HCRTR2: variants seen among roughly 807,000 people sequenced by gnomAD.
HCRTR2 encodes hypocretin receptor 2.
HCRTR2 carries 22 observed loss-of-function variants against 49.0 expected under a neutral mutation model. The ratio of observed to expected loss-of-function variants is 0.45; its 90% CI spans 0.32 to 0.64. The LOEUF (loss-of-function observed/expected upper bound fraction) is 0.64. Among genes scored for constraint, HCRTR2 ranks in the 30% least tolerant of loss-of-function variants. The pLI, the probability that HCRTR2 is intolerant of heterozygous loss-of-function variation, is 0.04. For missense variants in HCRTR2, 491 were observed against 559.4 expected (o/e 0.88, Z 1.23); for synonymous variants, 236 against 205.3 (o/e 1.15, Z -1.28).
chr6:55,261,958 G>A (rs1331388765), intron 3 of HCRTR2, among the ~76,000 whole-genome samples: 2 of 152,062 alleles, frequency 1.3e-5, no homozygotes, highest in Non-Finnish European at 2.9e-5. Context: ...AAAAAGGAAC[G>A]AAATAATGGC....
chr6:55,122,898 A>T (rs1231489814), intron 1 of HCRTR2, among the ~76,000 whole-genome samples: 1 of 145,296 alleles, frequency 6.9e-6, no homozygotes, highest in Non-Finnish European at 1.5e-5. Context: ...GTTCTCACTC[A>T]TAGGTGGGAA....
chr6:55,210,775 TC>T (rs1562008256), intron 1 of HCRTR2, among the ~76,000 whole-genome samples: 1 of 152,172 alleles, frequency 6.6e-6, no homozygotes, highest in Non-Finnish European at 1.5e-5. Context: ...AGACTTGGGT[TC>T]TTTAACTTGC....
chr6:55,200,734 G>A (rs1332766786), intron 1 of HCRTR2, among the ~76,000 whole-genome samples: 1 of 152,000 alleles, frequency 6.6e-6, no homozygotes, highest in Non-Finnish European at 1.5e-5. Context: ...GATGCTTCTT[G>A]TCTGCAATTA....
chr6:55,280,379 C>A lies in HCRTR2; in HGVS notation c.1040C>A (p.Thr347Asn). The change falls in exon 6 of 7, where the codon ACC becomes AAC. Residue 347 changes from threonine (T) to asparagine (N), a missense_variant. Coordinates refer to ENST00000370862, the MANE Select transcript of HCRTR2 (RefSeq NM_001384272.1). ...EDRETVYAWF[T>N]FSHWLVYANS... is the part of the protein sequence containing the mutation. The stretch of plus-strand genomic sequence containing the variant: ...AGAGAGACTGTGTATGCCTGGTTTA[C>A]CTTTTCACACTGGCTTGTATATGCC... 6.2e-7 allele frequency: 1 copy of A among 1,613,078 alleles called. No individual in the cohort carries two copies. The highest frequency in any genetic ancestry group is 8.5e-7 in the Non-Finnish European group (1 of 1,179,142).
chr6:55,119,411 A>G (rs1429496435), intron 1 of HCRTR2, among the ~76,000 whole-genome samples: 2 of 152,064 alleles, frequency 1.3e-5, no homozygotes, highest in African/African-American at 4.8e-5. Flanking sequence ...GTGTAAAAGC[A>G]TTCCTATTTC....
intron 1 of HCRTR2, among the ~76,000 whole-genome samples, chr6:55,120,798 G>C (rs990709186): frequency 2.6e-5 from 4 of 151,658 alleles, no homozygotes; most frequent in Admixed American, 1.3e-4. Flanking sequence ...TGTTGAATAG[G>C]AGTGGTGAGA....
At chr6:55,189,835 C>A (rs919651866) in intron 1 of HCRTR2, among the ~76,000 whole-genome samples, 1 of 152,096 alleles carries the variant, frequency 6.6e-6, no homozygotes, top group Non-Finnish European at 1.5e-5. Flanking sequence ...CAGTGCTTGT[C>A]TTATTCGTTT....
chr6:55,175,349 C>A (rs911871291), intron 1 of HCRTR2, among the ~76,000 whole-genome samples: 1 of 152,110 alleles, frequency 6.6e-6, no homozygotes, highest in Non-Finnish European at 1.5e-5. Flanking sequence ...AATGAACCAG[C>A]AGGGAGTGGA....
At chr6:55,205,990 TA>T (rs909111282) in intron 1 of HCRTR2, among the ~76,000 whole-genome samples, 4 of 152,050 alleles carry the variant, frequency 2.6e-5, no homozygotes, top group African/African-American at 9.7e-5. Context: ...AAATTAGAAA[TA>T]AAAAAATTTA....
chr6:55,191,308 C>T (rs3006853), intron 1 of HCRTR2, among the ~76,000 whole-genome samples: 3,093 of 152,136 alleles, frequency 0.02, 47 homozygotes, highest in Middle Eastern at 0.058. Flanking sequence ...CTAAGTAGAA[C>T]GCATAATAGA....
At chr6:55,153,933 G>A (rs1052738840) in intron 1 of HCRTR2, among the ~76,000 whole-genome samples, 1 of 151,600 alleles carries the variant, frequency 6.6e-6, no homozygotes, top group Non-Finnish European at 1.5e-5. Flanking sequence ...AATAAAATTG[G>A]AAATGAGACA....
At chr6:55,238,014 A>G (rs1766246437) in intron 1 of HCRTR2, among the ~76,000 whole-genome samples, 1 of 152,128 alleles carries the variant, frequency 6.6e-6, no homozygotes, top group Non-Finnish European at 1.5e-5. Context: ...TGAATCCCAA[A>G]TATTTACATG....
chr6:55,187,652 A>G (rs76395123), intron 1 of HCRTR2, among the ~76,000 whole-genome samples: 3 of 149,486 alleles, frequency 2.0e-5, no homozygotes, highest in Admixed American at 6.7e-5. Context: ...TAATTCTACA[A>G]CAACTAGTGT....
intron 4 of HCRTR2, among the ~76,000 whole-genome samples, chr6:55,267,359 T>C (rs929735621): frequency 1.3e-5 from 2 of 152,040 alleles, no homozygotes; most frequent in Non-Finnish European, 2.9e-5. Flanking sequence ...ATTAAAAGAA[T>C]TAGCTAATGC....
chr6:55,232,805 C>T (rs1423402171), intron 1 of HCRTR2, among the ~76,000 whole-genome samples: 4 of 152,090 alleles, frequency 2.6e-5, no homozygotes, highest in Non-Finnish European at 5.9e-5. Context: ...CATGTCAAAA[C>T]TAAAGCACAG....
At chr6:55,229,783 G>T (rs1266606193) in intron 1 of HCRTR2, among the ~76,000 whole-genome samples, 1 of 152,098 alleles carries the variant, frequency 6.6e-6, no homozygotes, top group East Asian at 1.9e-4. Context: ...TTTGAATTAT[G>T]AAAAAATGAA....
At chr6:55,149,446 C>T (rs887496489) in intron 1 of HCRTR2, among the ~76,000 whole-genome samples, 1 of 151,976 alleles carries the variant, frequency 6.6e-6, no homozygotes, top group Non-Finnish European at 1.5e-5. Flanking sequence ...GAGCAAATTG[C>T]TATTATGATT....
chr6:55,216,198 C>T lies in HCRTR2; in HGVS notation c.224-32441C>T, dbSNP rs9370402. Among the ~76,000 whole-genome samples the T allele has an allele frequency of 3.4e-3, 511 of 152,300 alleles. 20 individuals carry two copies. The East Asian group carries it at 0.091, about 27-fold the overall frequency. ...CAAACCTTTCTCAAAAAACCCATCT[C>T]TTAATACTGTTACATTAGTATTAAG... On this transcript the variant is annotated intron_variant, in intron 1 of 6. Coordinates refer to ENST00000370862, the MANE Select transcript of HCRTR2 (RefSeq NM_001384272.1).
chr6:55,216,016 G>C (rs1765780224), intron 1 of HCRTR2, among the ~76,000 whole-genome samples: 2 of 152,152 alleles, frequency 1.3e-5, no homozygotes, highest in African/African-American at 4.8e-5. Flanking sequence ...GGCATCACAT[G>C]ACAAAAAAGC....
Sources: allele counts gnomAD v4.1 joint callset (sites outside exome capture counted in the v4.1 genomes callset), GRCh38; gene constraint gnomAD v4.1.1; transcripts MANE v1.5; gene names NCBI Gene and HGNC (gene_info 2026-07-23, HGNC 2026-07-21).